Variants in NKAIN3 observed in about 807,000 individuals in gnomAD.
NKAIN3 encodes sodium/potassium transporting ATPase interacting 3, also known as sodium/potassium-transporting ATPase subunit beta-1-interacting protein 3.
In NKAIN3, 25 loss-of-function variants were observed where a neutral mutation model predicts 30.2. The ratio of observed to expected loss-of-function variants is 0.83; its 90% CI spans 0.60 to 1.16. NKAIN3 has a LOEUF of 1.16. Ranked by LOEUF, NKAIN3 falls within the 50% of genes most tolerant of loss-of-function variation. The probability of loss-of-function intolerance (pLI) is 0.00; values close to 1 mark genes in which losing one functional copy is unlikely to be tolerated. For missense variants in NKAIN3, 225 were observed against 254.1 expected (o/e 0.89, Z 0.78); for synonymous variants, 91 against 89.6 (o/e 1.02, Z -0.09).
chr8:62,810,090 T>A (rs978008101), intron 4 of NKAIN3, among the ~76,000 whole-genome samples: 1 of 152,200 alleles, frequency 6.6e-6, no homozygotes, highest in Non-Finnish European at 1.5e-5. Flanking sequence ...CAAGCCGCTC[T>A]TCTTCAAAGC....
intron 1 of NKAIN3, among the ~76,000 whole-genome samples, chr8:62,506,228 T>TGAG (rs1554540915): frequency 4.6e-5 from 6 of 129,136 alleles, no homozygotes; most frequent in Non-Finnish European, 9.8e-5. Flanking sequence ...ATGAGAATAT[T>TGAG]GGGGGGGGGG....
intron 4 of NKAIN3, among the ~76,000 whole-genome samples, chr8:62,839,206 T>C (rs973162342): frequency 1.4e-5 from 2 of 141,082 alleles, no homozygotes; most frequent in Admixed American, 7.3e-5. Flanking sequence ...TTTTCTTCTT[T>C]ATTTACGCAC....
At chr8:62,881,348 G>T (rs1490693633) in intron 4 of NKAIN3, among the ~76,000 whole-genome samples, 5 of 152,026 alleles carry the variant, frequency 3.3e-5, no homozygotes, top group Non-Finnish European at 5.9e-5. Flanking sequence ...TCATATTTTT[G>T]CCTTTTCCAG....
intron 3 of NKAIN3, among the ~76,000 whole-genome samples, chr8:62,746,293 T>C (rs1255341287): frequency 6.6e-6 from 1 of 152,234 alleles, no homozygotes; most frequent in Non-Finnish European, 1.5e-5. Flanking sequence ...TATAAGAATA[T>C]ACACGATTGC....
rs964506066 is a variant in NKAIN3, at chr8:62,982,119, T to G, written c.*16712T>G. 2.0e-5 allele frequency: 3 copies of G among 152,220 alleles called. No individual in the cohort carries two copies. The highest frequency in any genetic ancestry group is 2.9e-5 in the Non-Finnish European group (2 of 68,040). 9.4% of individuals were successfully genotyped at this position (152,220 alleles called of 1,614,324 possible). A position where few individuals can be genotyped will look rare whatever the true frequency, so the allele number is the denominator to read the frequency against. On this transcript the variant is annotated 3_prime_UTR_variant, in exon 7 of 7. Coordinates refer to ENST00000623646, the MANE Select transcript of NKAIN3 (RefSeq NM_001304533.3). ...TATGGGGATAGTTAAGGTAAGAGCC[T>G]GCAGGCAGCACTGTATTGCTTTACA...
At chr8:62,954,378 C>T (rs960956572) in intron 6 of NKAIN3, among the ~76,000 whole-genome samples, 2 of 152,120 alleles carry the variant, frequency 1.3e-5, no homozygotes, top group Admixed American at 1.3e-4. Context: ...GTCTCTGAGA[C>T]TTGTTCTATC....
At chr8:62,859,445 T>G (rs187233378) in intron 4 of NKAIN3, among the ~76,000 whole-genome samples, 1 of 143,808 alleles carries the variant, frequency 7.0e-6, no homozygotes, top group Non-Finnish European at 1.5e-5. Flanking sequence ...TCTGGGCTCC[T>G]GCACCAGCCA....
chr8:62,964,046 G>A (rs976290172), intron 6 of NKAIN3, among the ~76,000 whole-genome samples: 1 of 152,184 alleles, frequency 6.6e-6, no homozygotes, highest in African/African-American at 2.4e-5. Context: ...CTGTTGGAAT[G>A]ATGCTTATAA....
intron 4 of NKAIN3, among the ~76,000 whole-genome samples, chr8:62,865,481 T>C (rs964113860): frequency 7.9e-5 from 12 of 152,260 alleles, no homozygotes; most frequent in African/African-American, 2.9e-4. Context: ...ACTCTGATCC[T>C]GGGGAAGAGC....
At chr8:62,887,466 C>G (rs532635168) in intron 4 of NKAIN3, among the ~76,000 whole-genome samples, 2 of 152,146 alleles carry the variant, frequency 1.3e-5, no homozygotes, top group Non-Finnish European at 2.9e-5. Flanking sequence ...GCTCCTTTCT[C>G]TCTTTTTTCT....
intron 1 of NKAIN3, among the ~76,000 whole-genome samples, chr8:62,556,559 G>A (rs1449911132): frequency 6.6e-6 from 1 of 151,672 alleles, no homozygotes; most frequent in Non-Finnish European, 1.5e-5. Context: ...AATAAGTCCA[G>A]CTATATAATA....
chr8:62,252,511 T>A lies in NKAIN3; in HGVS notation c.54+3384T>A, dbSNP rs531530097. 1.2e-3 allele frequency among the ~76,000 whole-genome samples: 187 copies of A among 152,310 alleles called. 2 individuals carry two copies. Among genetic ancestry groups the A allele is most frequent in the Non-Finnish European group, 6.8e-4 (46 of 68,034 alleles). Reference sequence around the variant, plus strand: ...CAAAATCTCAGTCATTTTCTACTTTTTTCACTCCACTGCTCTGGCTGTCTT... The same window carrying A: ...CAAAATCTCAGTCATTTTCTACTTTATTCACTCCACTGCTCTGGCTGTCTT... On this transcript the variant is annotated intron_variant, in intron 1 of 6. Transcript: ENST00000623646.
chr8:62,856,401 A>C, intron 4 of NKAIN3: 1 of 803,032 alleles, frequency 1.2e-6, no homozygotes, highest in Non-Finnish European at 2.3e-6. Context: ...CCTCAAAGTG[A>C]ACCCTGAGGT....
chr8:62,728,295 T>G (rs1270304062), intron 3 of NKAIN3, among the ~76,000 whole-genome samples: 1 of 152,090 alleles, frequency 6.6e-6, no homozygotes, highest in African/African-American at 2.4e-5. Flanking sequence ...AAGAATGAAT[T>G]GATTAAAGTA....
intron 1 of NKAIN3, among the ~76,000 whole-genome samples, chr8:62,262,929 G>A (rs191373256): frequency 1.5e-4 from 23 of 152,226 alleles, no homozygotes; most frequent in Admixed American, 2.6e-4. Flanking sequence ...AAAGATATAA[G>A]TAATATGATT....
At chr8:62,565,219 T>C (rs1368648299) in intron 1 of NKAIN3, among the ~76,000 whole-genome samples, 1 of 152,142 alleles carries the variant, frequency 6.6e-6, no homozygotes, top group Non-Finnish European at 1.5e-5. Context: ...GTACTTTTAT[T>C]ATCCTATAAT....
At chr8:62,442,296 C>T (rs1449440522) in intron 1 of NKAIN3, among the ~76,000 whole-genome samples, 4 of 151,880 alleles carry the variant, frequency 2.6e-5, no homozygotes, top group African/African-American at 7.2e-5. Context: ...ATTGTCTATT[C>T]ATTAGGCTAA....
At chr8:62,374,842 G>A (rs938245914) in intron 1 of NKAIN3, among the ~76,000 whole-genome samples, 2 of 152,180 alleles carry the variant, frequency 1.3e-5, no homozygotes, top group African/African-American at 4.8e-5. Context: ...TTGGAACACA[G>A]TGGATCTTTT....
At chr8:62,523,525 G>C (rs1477381447) in intron 1 of NKAIN3, among the ~76,000 whole-genome samples, 1 of 152,086 alleles carries the variant, frequency 6.6e-6, no homozygotes, top group Non-Finnish European at 1.5e-5. Context: ...TGAATGACTA[G>C]GCAAACTTGT....
Sources: gnomAD v4.1 joint callset for allele counts (sites outside exome capture counted in the v4.1 genomes callset) on GRCh38, gnomAD v4.1.1 for gene constraint, MANE v1.5 for transcripts, NCBI Gene and HGNC (gene_info 2026-07-23, HGNC 2026-07-21) for gene names.